Variants in PCDHA8 observed in about 807,000 individuals in gnomAD.
PCDHA8 encodes protocadherin alpha-8.
Under a neutral mutation model 61.8 loss-of-function variants are expected in PCDHA8, and 53 were observed. The ratio of observed to expected loss-of-function variants is 0.86; its 90% CI spans 0.69 to 1.08. The LOEUF (loss-of-function observed/expected upper bound fraction) is 1.08. Among genes scored for constraint, PCDHA8 ranks in the 50% least tolerant of loss-of-function variants. The pLI, the probability that PCDHA8 is intolerant of heterozygous loss-of-function variation, is 0.00. For synonymous variants in PCDHA8, 618 were observed against 556.6 expected, an observed-to-expected ratio of 1.11 and a Z score of -1.55; for missense variants, 1,293 against 1,245.0, an observed-to-expected ratio of 1.04 and a Z score of -0.58.
At chr5:140,970,810 A>G (rs2096434442) in intron 1 of PCDHA8, among the ~76,000 whole-genome samples, 1 of 152,138 alleles carries the variant, frequency 6.6e-6, no homozygotes. Flanking sequence ...TTACATTTCA[A>G]GTTCATGGTA....
At chr5:140,913,318 T>C (rs953831117) in intron 1 of PCDHA8, among the ~76,000 whole-genome samples, 1 of 152,188 alleles carries the variant, frequency 6.6e-6, no homozygotes, top group African/African-American at 2.4e-5. Flanking sequence ...CTTGGTAAGT[T>C]GTATGTGTCT....
intron 1 of PCDHA8, among the ~76,000 whole-genome samples, chr5:140,889,562 T>C (rs2062274153): frequency 6.6e-6 from 1 of 152,224 alleles, no homozygotes; most frequent in Non-Finnish European, 1.5e-5. Flanking sequence ...TTCAGAATTC[T>C]GCTTTCTGAT....
At chr5:140,857,462 C>T (rs782280236) in intron 1 of PCDHA8, 2 of 1,598,496 alleles carry the variant, frequency 1.3e-6, no homozygotes. Context: ...GCCAGGCTGC[C>T]ACATCTTCAC....
intron 1 of PCDHA8, among the ~76,000 whole-genome samples, chr5:140,940,491 C>A (rs1554213409): frequency 6.6e-6 from 1 of 151,752 alleles, no homozygotes; most frequent in Admixed American, 6.6e-5. Context: ...CAAGACAAGT[C>A]TTGCTCCGTC....
chr5:140,973,815 A>G (rs2096603789), intron 1 of PCDHA8, among the ~76,000 whole-genome samples: 1 of 152,224 alleles, frequency 6.6e-6, no homozygotes, highest in Admixed American at 6.5e-5. Flanking sequence ...CAGAATAGCA[A>G]AGTCAGTTCT....
intron 1 of PCDHA8, chr5:140,966,947 G>A (rs782439197): frequency 6.2e-7 from 1 of 1,603,520 alleles, no homozygotes; most frequent in Middle Eastern, 1.7e-4. Context: ...CGTGGGCAAC[G>A]TGGCTCGCGC....
intron 1 of PCDHA8, among the ~76,000 whole-genome samples, chr5:140,845,081 A>G (rs1413873569): frequency 1.3e-5 from 2 of 149,512 alleles, no homozygotes; most frequent in Non-Finnish European, 3.0e-5. Flanking sequence ...ATTGTTTTGT[A>G]GTTTATTTTA....
intron 1 of PCDHA8, chr5:140,848,835 C>T: frequency 6.3e-7 from 1 of 1,590,448 alleles, no homozygotes; most frequent in African/African-American, 1.4e-5. Context: ...AGACAGGCCG[C>T]TGCAGGTTTT....
intron 1 of PCDHA8, among the ~76,000 whole-genome samples, chr5:140,917,311 G>T (rs2078013594): frequency 6.7e-6 from 1 of 148,748 alleles, no homozygotes; most frequent in Non-Finnish European, 1.5e-5. Flanking sequence ...GTTACAATTT[G>T]GTGTTCATGT....
intron 3 of PCDHA8, among the ~76,000 whole-genome samples, chr5:140,987,400 C>T (rs1554249169): frequency 1.3e-5 from 2 of 152,090 alleles, no homozygotes; most frequent in Middle Eastern, 3.2e-3. Context: ...AGGAAGCCAT[C>T]TGTTTATGGT....
At chr5:140,886,253 T>G (rs2060912572) in intron 1 of PCDHA8, among the ~76,000 whole-genome samples, 1 of 152,034 alleles carries the variant, frequency 6.6e-6, no homozygotes, top group African/African-American at 2.4e-5. Context: ...TAAAAGTATC[T>G]CTATTTATAG....
intron 1 of PCDHA8, among the ~76,000 whole-genome samples, chr5:140,917,117 C>T (rs1318149439): frequency 3.3e-5 from 5 of 152,018 alleles, no homozygotes; most frequent in South Asian, 2.1e-4. Flanking sequence ...CCTCCAAGTG[C>T]GCAGACTCCC....
Position 140,858,482 on chromosome 5 carries a change from A to G in PCDHA8, c.2394+14767A>G, listed in dbSNP as rs369228910. The G allele has an allele frequency of 2.7e-6, 4 of 1,507,654 alleles. 1 individual carries two copies. In the African/African-American group the frequency reaches 5.6e-5, roughly 21 times the overall value. 93.4% of individuals were successfully genotyped at this position (1,507,654 alleles called of 1,614,324 possible). On this transcript the variant is annotated intron_variant, in intron 1 of 3. Transcript: ENST00000531613. Reference sequence around the variant, plus strand: ...TTTCCTTTTGTGCTTTATGAATAATATTTTCTCTTACCGCATTTTCTCAAA... The same window carrying G: ...TTTCCTTTTGTGCTTTATGAATAATGTTTTCTCTTACCGCATTTTCTCAAA...
intron 1 of PCDHA8, chr5:140,868,996 G>T: frequency 6.6e-7 from 1 of 1,516,608 alleles, no homozygotes; most frequent in South Asian, 1.4e-5. Flanking sequence ...CACCGTTTAA[G>T]GATCCTTTGA....
intron 1 of PCDHA8, chr5:140,870,816 C>A: frequency 4.3e-6 from 7 of 1,613,668 alleles, no homozygotes; most frequent in Admixed American, 1.7e-5. Flanking sequence ...AGGCTGGCAG[C>A]GCGGGAGGCG....
rs2150419766 is a variant in PCDHA8, at chr5:140,848,766, G to C, written c.2394+5051G>C. On this transcript the variant is annotated intron_variant, in intron 1 of 3. Coordinates refer to ENST00000531613, the MANE Select transcript of PCDHA8 (RefSeq NM_018911.3). The stretch of plus-strand genomic sequence containing the variant: ...CATTTTGTTTGTGAATTCTCGGATC[G>C]ACCGCGAGGAGCTGTGCGGGCGGAG... The C allele has an allele frequency of 6.3e-7, 1 of 1,593,418 alleles. No individual in the cohort carries two copies. The highest frequency in any genetic ancestry group is 8.6e-7 in the Non-Finnish European group (1 of 1,164,090).
intron 1 of PCDHA8, chr5:140,881,408 T>A (rs1397596000): frequency 1.1e-6 from 1 of 949,826 alleles, no homozygotes; most frequent in Non-Finnish European, 1.3e-6. Flanking sequence ...ATTAAATCAA[T>A]AGGATATTAG....
rs575152424 is a variant in PCDHA8 at position 140,895,872 on chromosome 5, C to T, written c.2394+52157C>T. Among the ~76,000 whole-genome samples, 3 of 152,222 alleles carry T rather than the reference C, an allele frequency of 2.0e-5. No homozygotes were observed. The South Asian group carries it at 6.2e-4, about 32-fold the overall frequency. ...TGTACCCCAGGCTGGAGTGCAATGG[C>T]GCGATCTCGGCTCACTGCAACCTCC... On this transcript the variant is annotated intron_variant, in intron 1 of 3. Transcript: ENST00000531613.
intron 1 of PCDHA8, among the ~76,000 whole-genome samples, chr5:140,905,747 C>T (rs2072054792): frequency 2.0e-5 from 3 of 152,156 alleles, no homozygotes; most frequent in South Asian, 2.1e-4. Context: ...AGAGATCTTT[C>T]ACCTCCTTGG....
Sources: gnomAD v4.1 joint callset for allele counts (sites outside exome capture counted in the v4.1 genomes callset) on GRCh38, gnomAD v4.1.1 for gene constraint, MANE v1.5 for transcripts, NCBI Gene and HGNC (gene_info 2026-07-23, HGNC 2026-07-21) for gene names.